The following PBX1 variants were observed in gnomAD, a reference collection of about 807,000 sequenced individuals.
The protein encoded by PBX1 is PBX homeobox 1, also known as pre-B-cell leukemia transcription factor 1.
In PBX1, 6 loss-of-function variants were observed where a neutral mutation model predicts 53.4. The observed-to-expected ratio is 0.11, with a 90% CI of 0.06 to 0.22. PBX1 has a LOEUF of 0.22. Ranked by LOEUF, PBX1 falls within the 10% of genes least tolerant of loss-of-function variation. PBX1 has a pLI of 1.00. For missense variants in PBX1, 251 were observed against 551.4 expected (o/e 0.46, Z 5.46); for synonymous variants, 204 against 212.3 (o/e 0.96, Z 0.34).
chr1:164,738,152 A>G (rs867421579), intron 2 of PBX1, among the ~76,000 whole-genome samples: 1 of 152,164 alleles, frequency 6.6e-6, no homozygotes, highest in Non-Finnish European at 1.5e-5. Flanking sequence ...TCGTTCATCC[A>G]TTGATGAACA....
chr1:164,570,356 C>T (rs1653759656), intron 2 of PBX1, among the ~76,000 whole-genome samples: 1 of 152,134 alleles, frequency 6.6e-6, no homozygotes, highest in Non-Finnish European at 1.5e-5. Flanking sequence ...TCTCCGTCCC[C>T]TTGTCCCCCA....
chr1:164,638,354 T>C (rs556210293), intron 2 of PBX1, among the ~76,000 whole-genome samples: 1 of 152,358 alleles, frequency 6.6e-6, no homozygotes, highest in South Asian at 2.1e-4. Context: ...GTGCATGTTT[T>C]AAAGTGATTC....
chr1:164,610,369 G>C (rs1364949978), intron 2 of PBX1, among the ~76,000 whole-genome samples: 1 of 152,104 alleles, frequency 6.6e-6, no homozygotes, highest in Non-Finnish European at 1.5e-5. Flanking sequence ...TGGGCCACGG[G>C]GCATCATTCT....
chr1:164,696,807 A>G lies in PBX1; in HGVS notation c.266-95687A>G, dbSNP rs549916876. Among the ~76,000 whole-genome samples, 3 of 152,054 alleles carry G rather than the reference A, an allele frequency of 2.0e-5. No homozygotes were observed. In the East Asian group the frequency reaches 5.8e-4, roughly 29 times the overall value. Reference sequence around the variant, plus strand: ...ATAGCGCTGTATCTGTTAGAATCATACTCTGTTTTCAGGCTGTCCCTAGGC... The same window carrying G: ...ATAGCGCTGTATCTGTTAGAATCATGCTCTGTTTTCAGGCTGTCCCTAGGC... On this transcript the variant is annotated intron_variant, in intron 2 of 8. Transcript: ENST00000420696.
chr1:164,752,305 C>T (rs887183679), intron 2 of PBX1, among the ~76,000 whole-genome samples: 4 of 150,830 alleles, frequency 2.7e-5, no homozygotes, highest in Non-Finnish European at 5.9e-5. Flanking sequence ...AGGAATTCAT[C>T]TCTACTCATA....
At position 164,559,533 on chromosome 1, in the gene PBX1, G is replaced by T; in HGVS notation, c.-290G>T. On this transcript the variant is annotated 5_prime_UTR_variant, in exon 1 of 9. Coordinates refer to ENST00000420696, the MANE Select transcript of PBX1 (RefSeq NM_002585.4). ...TTTCTTTTCGCCAAGTGGGAAGGTG[G>T]TTTATTTTTCTTGCTTTTTGGAGTC... The T allele has an allele frequency of 2.8e-6, 1 of 359,104 alleles. No individual in the cohort carries two copies. The highest frequency in any genetic ancestry group is 5.0e-6 in the Non-Finnish European group (1 of 201,662). The allele number at this position is 359,104 out of a possible 1,614,324, so 22.2% of individuals were successfully genotyped here.
chr1:164,582,930 C>T (rs1654717969), intron 2 of PBX1, among the ~76,000 whole-genome samples: 1 of 152,110 alleles, frequency 6.6e-6, no homozygotes, highest in African/African-American at 2.4e-5. Context: ...GATTTGTATG[C>T]TCAGCCCATA....
At chr1:164,599,833 C>T (rs909428158) in intron 2 of PBX1, among the ~76,000 whole-genome samples, 1 of 152,142 alleles carries the variant, frequency 6.6e-6, no homozygotes, top group African/African-American at 2.4e-5. Context: ...AAAGAGCTGG[C>T]TTTGTACAAA....
At chr1:164,697,843 T>A (rs2800797) in intron 2 of PBX1, among the ~76,000 whole-genome samples, 36,621 of 152,126 alleles carry the variant, frequency 0.24, 4,653 homozygotes, top group East Asian at 0.46. Flanking sequence ...AGCAGAAGTG[T>A]TCTTTGCCTC....
intron 2 of PBX1, among the ~76,000 whole-genome samples, chr1:164,673,267 G>A (rs1661211688): frequency 6.6e-6 from 1 of 152,026 alleles, no homozygotes; most frequent in African/African-American, 2.4e-5. Context: ...TAGTCACCGG[G>A]GTGTTTGTCA....
At chr1:164,870,278 TTTCTTTCTTTCTTTCTTTC>T (rs1672334803) in intron 2 of PBX1, among the ~76,000 whole-genome samples, 1 of 23,818 alleles carries the variant, frequency 4.2e-5, no homozygotes, top group East Asian at 1.3e-3. Context: ...TCTTTCTTTC[TTTCTTTCTTTCTTTCTTTC>T]TTTCTTTCTT....
At chr1:164,636,031 C>A (rs765496712) in intron 2 of PBX1, among the ~76,000 whole-genome samples, 1 of 152,128 alleles carries the variant, frequency 6.6e-6, no homozygotes, top group Non-Finnish European at 1.5e-5. Flanking sequence ...CAACAATGGG[C>A]GTTGCAAGCT....
chr1:164,808,792 TA>T (rs1442578931), intron 5 of PBX1, among the ~76,000 whole-genome samples: 1 of 152,170 alleles, frequency 6.6e-6, no homozygotes, highest in Non-Finnish European at 1.5e-5. Context: ...CCCAACAAAC[TA>T]AGATGATTTT....
chr1:164,760,873 A>C (rs1434904002), intron 2 of PBX1, among the ~76,000 whole-genome samples: 1 of 152,182 alleles, frequency 6.6e-6, no homozygotes, highest in Non-Finnish European at 1.5e-5. Flanking sequence ...CACCTCGGAC[A>C]TTTCCCAATT....
intron 8 of PBX1, among the ~76,000 whole-genome samples, chr1:164,840,368 A>G (rs1671234748): frequency 1.3e-5 from 2 of 152,226 alleles, no homozygotes; most frequent in Non-Finnish European, 2.9e-5. Context: ...GTAACAGGGC[A>G]TCCCATATTT....
chr1:164,667,858 C>G (rs1660892286), intron 2 of PBX1, among the ~76,000 whole-genome samples: 1 of 152,168 alleles, frequency 6.6e-6, no homozygotes, highest in African/African-American at 2.4e-5. Context: ...GAGGTAGATG[C>G]AGTTCACACT....
At chr1:164,791,479 C>T (rs1019062623) in intron 2 of PBX1, among the ~76,000 whole-genome samples, 5 of 152,172 alleles carry the variant, frequency 3.3e-5, no homozygotes, top group East Asian at 1.9e-4. Context: ...TGGAGCTAAA[C>T]GACCCTGCTC....
At chr1:164,725,928 G>A (rs141582829) in intron 2 of PBX1, among the ~76,000 whole-genome samples, 23 of 152,208 alleles carry the variant, frequency 1.5e-4, no homozygotes, top group Admixed American at 1.3e-3. Context: ...TGGAGTCTTC[G>A]ATGACCCCAG....
intron 2 of PBX1, among the ~76,000 whole-genome samples, chr1:164,712,048 G>A (rs1244282863): frequency 7.3e-5 from 11 of 150,130 alleles, no homozygotes; most frequent in Admixed American, 7.3e-4. Context: ...AATCAGAAGG[G>A]TCCCATCTGC....
Sources: gnomAD v4.1 joint callset for allele counts (sites outside exome capture counted in the v4.1 genomes callset) on GRCh38, gnomAD v4.1.1 for gene constraint, MANE v1.5 for transcripts, NCBI Gene and HGNC (gene_info 2026-07-23, HGNC 2026-07-21) for gene names.